Variants in ADGRL4 observed in about 807,000 individuals in gnomAD.
ADGRL4 encodes EGF, latrophilin and seven transmembrane domain containing 1.
A neutral mutation model predicts 74.8 loss-of-function variants in ADGRL4; 90 were observed. That is an observed-to-expected ratio of 1.20 (90% confidence interval 1.02 to 1.43). The LOEUF (loss-of-function observed/expected upper bound fraction) is 1.43. Ranked by LOEUF, ADGRL4 falls within the 40% of genes most tolerant of loss-of-function variation. The pLI is 0.00. For synonymous variants in ADGRL4, 311 were observed against 279.2 expected, an observed-to-expected ratio of 1.11 and a Z score of -1.14; for missense variants, 881 against 814.3, an observed-to-expected ratio of 1.08 and a Z score of -1.00.
intron 2 of ADGRL4, among the ~76,000 whole-genome samples, chr1:78,981,174 T>C (rs898206830): frequency 6.6e-6 from 1 of 151,882 alleles, no homozygotes; most frequent in African/African-American, 2.4e-5. Context: ...CCCAAAGCAG[T>C]CATATTGTTA....
At chr1:79,000,649 G>A (rs1650821566) in intron 2 of ADGRL4, among the ~76,000 whole-genome samples, 1 of 149,410 alleles carries the variant, frequency 6.7e-6, no homozygotes, top group African/African-American at 2.5e-5. Flanking sequence ...CCTTTCTTGT[G>A]AAGAGAGAAA....
At chr1:79,005,834 G>T (rs890919652) in intron 1 of ADGRL4, among the ~76,000 whole-genome samples, 6 of 151,346 alleles carry the variant, frequency 4.0e-5, no homozygotes, top group African/African-American at 1.5e-4. Flanking sequence ...TTTTCCATTA[G>T]GGGAAATTTA....
intron 2 of ADGRL4, among the ~76,000 whole-genome samples, chr1:78,946,723 C>T (rs12409126): frequency 0.12 from 18,475 of 151,946 alleles, 1,281 homozygotes; most frequent in East Asian, 0.33. Flanking sequence ...TAATTATAAC[C>T]ATGTCAACAA....
chr1:78,963,422 G>A (rs1649993301), intron 2 of ADGRL4, among the ~76,000 whole-genome samples: 1 of 152,162 alleles, frequency 6.6e-6, no homozygotes, highest in African/African-American at 2.4e-5. Flanking sequence ...ACCCTGCCTA[G>A]ATTGGAGTAT....
intron 8 of ADGRL4, 98 bp from the exon 9 acceptor site, chr1:78,921,884 T>C (rs892002953): frequency 4.8e-6 from 3 of 628,772 alleles, no homozygotes; most frequent in Non-Finnish European, 4.8e-6. Flanking sequence ...ATTGAAACAA[T>C]GCCTTAACAG....
At chr1:78,996,302 C>T (rs900344393) in intron 2 of ADGRL4, among the ~76,000 whole-genome samples, 4 of 151,884 alleles carry the variant, frequency 2.6e-5, no homozygotes, top group African/African-American at 9.7e-5. Context: ...AGGTTTTTAG[C>T]CTAGGCTCTA....
At chr1:78,976,461 T>C (rs936522774) in intron 2 of ADGRL4, among the ~76,000 whole-genome samples, 6 of 151,894 alleles carry the variant, frequency 4.0e-5, no homozygotes, top group Admixed American at 2.0e-4. Context: ...AAAAATCCTC[T>C]ATAAAGTCTT....
chr1:78,926,755 A>G, intron 8 of ADGRL4, 131 bp downstream of exon 8: 1 of 656,510 alleles, frequency 1.5e-6, no homozygotes, highest in Non-Finnish European at 2.5e-6. Context: ...AGTTAAAACT[A>G]CTTCACTCTT....
At chr1:78,981,679 T>A (rs893225500) in intron 2 of ADGRL4, among the ~76,000 whole-genome samples, 1 of 151,864 alleles carries the variant, frequency 6.6e-6, no homozygotes, top group Non-Finnish European at 1.5e-5. Context: ...AAAAATATGG[T>A]CTTACAGAAA....
chr1:78,969,247 T>A (rs1650122057), intron 2 of ADGRL4, among the ~76,000 whole-genome samples: 1 of 152,194 alleles, frequency 6.6e-6, no homozygotes, highest in Non-Finnish European at 1.5e-5. Flanking sequence ...GCAATAAGAA[T>A]CCATTTTTCT....
At chr1:78,902,420 G>C (rs910256201) in intron 12 of ADGRL4, among the ~76,000 whole-genome samples, 2 of 151,952 alleles carry the variant, frequency 1.3e-5, no homozygotes, top group Non-Finnish European at 2.9e-5. Flanking sequence ...TTCTGTTGTT[G>C]CTCTTATTAT....
chr1:78,993,495 A>T (rs1377663910), intron 2 of ADGRL4, among the ~76,000 whole-genome samples: 3 of 152,186 alleles, frequency 2.0e-5, no homozygotes, highest in South Asian at 2.1e-4. Flanking sequence ...TGAATAACAC[A>T]TGGAGTAAAA....
intron 2 of ADGRL4, among the ~76,000 whole-genome samples, chr1:78,999,839 T>TCTACCTAC (rs1160580495): frequency 0.017 from 1,922 of 111,592 alleles, 17 homozygotes; most frequent in African/African-American, 0.028. Flanking sequence ...TATCTATCTA[T>TCTACCTAC]CTACCTACCT....
intron 2 of ADGRL4, among the ~76,000 whole-genome samples, chr1:78,998,017 G>A (rs771682534): frequency 1.5e-4 from 23 of 152,098 alleles, no homozygotes; most frequent in Non-Finnish European, 3.4e-4. Flanking sequence ...GACAAACAAC[G>A]AGGAATAGAA....
chr1:78,898,417 T>A (rs1246966806), intron 12 of ADGRL4, among the ~76,000 whole-genome samples: 2 of 152,114 alleles, frequency 1.3e-5, no homozygotes, highest in Admixed American at 6.6e-5. Context: ...TCCACTGTGG[T>A]CCATTTATTA....
intron 2 of ADGRL4, among the ~76,000 whole-genome samples, chr1:78,985,220 C>A (rs925311738): frequency 3.3e-5 from 5 of 151,552 alleles, no homozygotes; most frequent in African/African-American, 1.2e-4. Flanking sequence ...ATCTATCTAA[C>A]CTTTCTCTCA....
chr1:78,907,330 G>A (rs1648664419), intron 12 of ADGRL4, among the ~76,000 whole-genome samples: 1 of 151,808 alleles, frequency 6.6e-6, no homozygotes. Flanking sequence ...TCCATTTTAG[G>A]GAAGGAAATA....
chr1:78,966,673 A>C (rs1049228454), intron 2 of ADGRL4, among the ~76,000 whole-genome samples: 7 of 151,984 alleles, frequency 4.6e-5, no homozygotes, highest in Non-Finnish European at 8.8e-5. Context: ...GGGCCTGGGG[A>C]ATGCCACGCA....
At chr1:78,946,448 A>C in intron 2 of ADGRL4, 22 bp from the exon 3 acceptor site, 2 of 1,571,220 alleles carry the variant, frequency 1.3e-6, no homozygotes, top group Middle Eastern at 1.7e-4. Context: ...TGAATTTAAA[A>C]GATTATTTTT....
Sources: gnomAD v4.1 joint callset for allele counts (sites outside exome capture counted in the v4.1 genomes callset) on GRCh38, gnomAD v4.1.1 for gene constraint, MANE v1.5 for transcripts, NCBI Gene and HGNC (gene_info 2026-07-23, HGNC 2026-07-21) for gene names.